FBRSL1: variants seen among roughly 807,000 people sequenced by gnomAD.
FBRSL1 encodes the protein fibrosin like 1, also known as fibrosin-1-like protein.
Under a neutral mutation model 89.6 loss-of-function variants are expected in FBRSL1, and 51 were observed. That is an observed-to-expected ratio of 0.57 (90% CI 0.45 to 0.72). The LOEUF (loss-of-function observed/expected upper bound fraction) is 0.72, where lower values mean the gene tolerates loss of function less well. FBRSL1 is among the 30% of genes least tolerant of loss of function. The pLI is 0.00. For missense variants in FBRSL1, 1,618 were observed against 1,451.8 expected (o/e 1.11, Z -1.86); for synonymous variants, 779 against 681.1 (o/e 1.14, Z -2.24).
At chr12:132,567,552 C>A in intron 6 of FBRSL1, 26 bp downstream of exon 6, 1 of 1,547,956 alleles carries the variant, frequency 6.5e-7, no homozygotes, top group Non-Finnish European at 8.7e-7. Flanking sequence ...CGGCCCAGCT[C>A]CTGGGCCTCT....
chr12:132,569,221 G>T (rs1483653918), intron 6 of FBRSL1, among the ~76,000 whole-genome samples: 1 of 151,918 alleles, frequency 6.6e-6, no homozygotes, highest in Non-Finnish European at 1.5e-5. Context: ...GGGGGTGGGG[G>T]GGGCAGGCCC....
intron 15 of FBRSL1, 31 bp from the exon 16 acceptor site, chr12:132,581,408 G>A: frequency 6.4e-7 from 1 of 1,550,830 alleles, no homozygotes; most frequent in Non-Finnish European, 8.7e-7. Context: ...GCTCTCTCCT[G>A]GCTTCTGTCA....
At position 132,530,719 on chromosome 12, in the gene FBRSL1, G is replaced by A. The variant is rs1156517659; in HGVS notation, c.615+2731G>A. Among the ~76,000 whole-genome samples the A allele has an allele frequency of 2.8e-5, 4 of 143,276 alleles. No individual in the cohort carries two copies. The East Asian group carries it at 9.0e-4, about 32-fold the overall frequency. 94.0% of individuals were successfully genotyped at this position (143,276 alleles called of 152,430 possible). ...CAAGTGACAGATGGCGGGGTGGGGG[G>A]TGGGGCTGGGGGGTGGGGGGAGGGG... On this transcript the variant is annotated intron_variant, in intron 4 of 18. Transcript: ENST00000680143.
At chr12:132,558,304 C>T (rs1039224141) in intron 5 of FBRSL1, among the ~76,000 whole-genome samples, 1 of 152,234 alleles carries the variant, frequency 6.6e-6, no homozygotes, top group Admixed American at 6.5e-5. Context: ...GCCAGCCTGC[C>T]GGCTCAGCCC....
At position 132,500,370 on chromosome 12, in the gene FBRSL1, G is replaced by A. The variant is rs7975546; in HGVS notation, c.292-7783G>A. ...GCACAGAGCCGTGCAGTCACTTCCC[G>A]TGTCTACACTGCTGGCGAGTGGCTG... On this transcript the variant is annotated intron_variant, in intron 1 of 18. Transcript: ENST00000680143. Among the ~76,000 whole-genome samples, 1,024 of 152,192 alleles carry A rather than the reference G, an allele frequency of 6.7e-3. 10 individuals carry two copies. Among genetic ancestry groups the A allele is most frequent in the African/African-American group, 0.023 (966 of 41,496 alleles).
intron 5 of FBRSL1, chr12:132,565,532 T>TATACGGACCCGAGTGTGCTCAC (rs1248376334): frequency 6.6e-6 from 1 of 151,514 alleles, no homozygotes; most frequent in African/African-American, 2.4e-5. Context: ...AGTGTGCTCA[T>TATACGGACCCGAGTGTGCTCAC]GTACACGTAC....
intron 18 of FBRSL1, 111 bp from the exon 19 acceptor site, chr12:132,582,860 A>G: frequency 1.1e-6 from 1 of 873,376 alleles, no homozygotes; most frequent in South Asian, 2.7e-5. Flanking sequence ...CTGAGGGGTC[A>G]CCGGCCACCC....
intron 9 of FBRSL1, 51 bp downstream of exon 9, chr12:132,571,282 GTC>G (rs755501464): frequency 5.8e-5 from 87 of 1,507,208 alleles, no homozygotes; most frequent in Non-Finnish European, 6.6e-5. Flanking sequence ...GTGCCTCTCT[GTC>G]TCTCTCTCTT....
chr12:132,527,742 G>A lies in FBRSL1; in HGVS notation c.580-211G>A, dbSNP rs56283639. Among the ~76,000 whole-genome samples, 1,170 of 143,224 alleles carry A rather than the reference G, an allele frequency of 8.2e-3. 27 individuals are homozygous for A. Among genetic ancestry groups the A allele is most frequent in the Non-Finnish European group, 0.014 (860 of 63,114 alleles). 94.0% of individuals were successfully genotyped at this position (143,224 alleles called of 152,430 possible). A position where few individuals can be genotyped will look rare whatever the true frequency, so the allele number is the denominator to read the frequency against. ...TTGTGGGCTGCGGGGCAGGGTTGAG[G>A]GCTGTGGGGCTGTGGGGCAGGGTTG... On this transcript the variant is annotated intron_variant, in intron 3 of 18. Transcript: ENST00000680143.
intron 2 of FBRSL1, among the ~76,000 whole-genome samples, chr12:132,516,972 C>T (rs2034898797): frequency 6.6e-6 from 1 of 152,230 alleles, no homozygotes; most frequent in Non-Finnish European, 1.5e-5. Flanking sequence ...GATATCGATT[C>T]CTGCTTTTAT....
intron 2 of FBRSL1, among the ~76,000 whole-genome samples, chr12:132,524,963 C>T (rs1482528555): frequency 2.0e-5 from 3 of 152,174 alleles, no homozygotes; most frequent in African/African-American, 7.2e-5. Flanking sequence ...TACTCGGGGC[C>T]ACCGTGTGAG....
At chr12:132,581,713 C>T in intron 16 of FBRSL1, 28 bp from the exon 17 acceptor site, 1 of 1,548,738 alleles carries the variant, frequency 6.5e-7, no homozygotes, top group Non-Finnish European at 8.7e-7. Context: ...GCCTCACAGA[C>T]CTCTGGGTCC....
At chr12:132,563,880 C>T (rs72624261) in intron 5 of FBRSL1, among the ~76,000 whole-genome samples, 19,638 of 80,428 alleles carry the variant, frequency 0.24, 4,507 homozygotes, top group East Asian at 0.59. Context: ...ACACTCACTC[C>T]CGTCGCCCCT....
chr12:132,514,806 T>C (rs1180981291), intron 2 of FBRSL1, among the ~76,000 whole-genome samples: 1 of 152,218 alleles, frequency 6.6e-6, no homozygotes, highest in Non-Finnish European at 1.5e-5. Context: ...GTGAGCCACA[T>C]ATAGAGTTAA....
At position 132,535,778 on chromosome 12, in the gene FBRSL1, C is replaced by T. The variant is rs535891424; in HGVS notation, c.615+7790C>T. On this transcript the variant is annotated intron_variant, in intron 4 of 18. Coordinates refer to ENST00000680143, the MANE Select transcript of FBRSL1 (RefSeq NM_001367871.1). ...ACGTGTACATGACAGTGTGAGTGCACGTGTGTCCATGATGGTGTGCGTGAG... is the reference window on the plus strand; with the variant it reads ...ACGTGTACATGACAGTGTGAGTGCATGTGTGTCCATGATGGTGTGCGTGAG... Among the ~76,000 whole-genome samples the T allele has an allele frequency of 3.5e-4, 53 of 151,654 alleles. 1 individual carries two copies. In the South Asian group the frequency reaches 6.1e-3, roughly 17 times the overall value.
intron 2 of FBRSL1, among the ~76,000 whole-genome samples, chr12:132,518,518 C>CCATG (rs1454944076): frequency 2.0e-5 from 3 of 150,248 alleles, no homozygotes; most frequent in African/African-American, 7.4e-5. Context: ...CATCCATCCA[C>CCATG]CATGCATGCA....
chr12:132,559,450 G>A (rs983876462), intron 5 of FBRSL1, among the ~76,000 whole-genome samples: 1 of 152,212 alleles, frequency 6.6e-6, no homozygotes, highest in African/African-American at 2.4e-5. Context: ...GAAGTGCAGT[G>A]GTGCAATCTC....
At chr12:132,511,382 C>T in intron 2 of FBRSL1, 3 of 985,848 alleles carry the variant, frequency 3.0e-6, no homozygotes, top group Non-Finnish European at 3.6e-6. Flanking sequence ...CAAGGCTACC[C>T]CTGGGCCCAT....
At chr12:132,509,317 G>C in intron 2 of FBRSL1, 2 of 1,248,120 alleles carry the variant, frequency 1.6e-6, no homozygotes, top group Non-Finnish European at 2.0e-6. Flanking sequence ...GGGCAGCCCT[G>C]CCAGCCCTCC....
Sources: gnomAD v4.1 joint callset for allele counts (sites outside exome capture counted in the v4.1 genomes callset) on GRCh38, gnomAD v4.1.1 for gene constraint, MANE v1.5 for transcripts, NCBI Gene and HGNC (gene_info 2026-07-23, HGNC 2026-07-21) for gene names.